The following KCNJ14 variants were observed in gnomAD, a reference collection of about 807,000 sequenced individuals.
KCNJ14 encodes the protein potassium inwardly rectifying channel subfamily J member 14.
KCNJ14 carries 18 observed loss-of-function variants against 24.5 expected under a neutral mutation model. The observed-to-expected ratio is 0.74, with a 90% CI of 0.51 to 1.09. The LOEUF is 1.09. Among genes scored for constraint, KCNJ14 ranks in the 50% least tolerant of loss-of-function variants. The pLI, the probability that KCNJ14 is intolerant of heterozygous loss-of-function variation, is 0.00. For synonymous variants in KCNJ14, 288 were observed against 270.8 expected (o/e 1.06, Z -0.63); for missense variants, 633 against 623.0 (o/e 1.02, Z -0.17).
chr19:48,457,812 G>C (rs1200772866), intron 1 of KCNJ14, among the ~76,000 whole-genome samples: 1 of 151,952 alleles, frequency 6.6e-6, no homozygotes. Context: ...CGAGTAGCTG[G>C]GATTACAGGT....
At chr19:48,457,404 G>C (rs909724695) in intron 1 of KCNJ14, among the ~76,000 whole-genome samples, 6 of 152,186 alleles carry the variant, frequency 3.9e-5, no homozygotes, top group African/African-American at 1.4e-4. Flanking sequence ...GATCCCAGGG[G>C]ACATGGTGGG....
At chr19:48,456,302 A>T (rs570635266) in intron 1 of KCNJ14, 1 of 152,046 alleles carries the variant, frequency 6.6e-6, no homozygotes, top group African/African-American at 2.4e-5. Context: ...CTGCATCCTG[A>T]TGTTGACCTC....
rs1569084543 is a variant in KCNJ14, at chr19:48,464,432, TG to T, written c.968del (p.Gly323ValfsTer63). 2 of 1,613,736 alleles carry T rather than the reference TG, an allele frequency of 1.2e-6. No individual in the cohort carries two copies. The highest frequency in any genetic ancestry group is 1.7e-6 in the Non-Finnish European group (2 of 1,179,874). On this transcript the variant is annotated frameshift_variant, in exon 3 of 3. Coordinates refer to ENST00000342291, the MANE Select transcript of KCNJ14 (RefSeq NM_013348.4). LOFTEE classifies it high-confidence loss of function. The stretch of plus-strand genomic sequence containing the variant: ...CACAGTGTCGCTCGTCCTACCTCCC[TG>T]GTGAACTGCTCTGGGGCCATCGTTT... ...TTQCRSSYLP[G>X]ELLWGHRFEP...
At position 48,461,365 on chromosome 19, in the gene KCNJ14, TA is replaced by T. The variant is rs35350309; in HGVS notation, c.-55-295del. ...AAAAAAGAAAAGAAAAGAAAAAAGTTAAAAAAAAAATTACCCAGGAGTGGTG... is the reference window on the plus strand; with the variant it reads ...AAAAAAGAAAAGAAAAGAAAAAAGTTAAAAAAAAATTACCCAGGAGTGGTG... On this transcript the variant is annotated intron_variant, in intron 1 of 2. Coordinates refer to ENST00000342291, the MANE Select transcript of KCNJ14 (RefSeq NM_013348.4). The T allele has an allele frequency of 9.3e-5, 15 of 160,818 alleles. No homozygotes were observed. The East Asian group carries it at 1.2e-3, about 12-fold the overall frequency. 10.0% of individuals were successfully genotyped at this position (160,818 alleles called of 1,614,324 possible). A position where few individuals can be genotyped will look rare whatever the true frequency, so the allele number is the denominator to read the frequency against.
In KCNJ14 at chr19:48,462,979, G is replaced by T. The variant is rs1187221997; in HGVS notation, c.714+541G>T. ...AGCACAGTTCTCCAGGCCTCTAGGTGTGGGGTCCTGCGGCATCTGTGGGAG... is the reference window on the plus strand; with the variant it reads ...AGCACAGTTCTCCAGGCCTCTAGGTTTGGGGTCCTGCGGCATCTGTGGGAG... On this transcript the variant is annotated intron_variant, in intron 2 of 2. Transcript: ENST00000342291. This position sits in a 1 kb window ranked among gnomAD's most constrained non-coding sequence, Gnocchi z 4.9. 6.6e-6 allele frequency among the ~76,000 whole-genome samples: 1 copy of T among 152,182 alleles called. No individual in the cohort carries two copies. The highest frequency in any genetic ancestry group is 6.5e-5 in the Admixed American group (1 of 15,288).
In KCNJ14 at chr19:48,461,849, A is replaced by G; in HGVS notation, c.125A>G (p.Gln42Arg). Residue 42 changes from glutamine (Q) to arginine (R), a missense_variant, in exon 2 of 3, where the codon CAG becomes CGG. Gln to Arg is a conservative substitution (Grantham distance 43). Transcript: ENST00000342291. The part of the protein sequence containing the change: ...CRNGWAPAPV[Q>R]SPVGRRRGRF... ...AACGGGTGGGCGCCGGCACCGGTGCAGTCACCCGTGGGCCGGCGCCGCGGT... is the reference window on the plus strand; with the variant it reads ...AACGGGTGGGCGCCGGCACCGGTGCGGTCACCCGTGGGCCGGCGCCGCGGT... 1.3e-6 allele frequency: 2 copies of G among 1,542,880 alleles called. No homozygotes were observed. Among genetic ancestry groups the G allele is most frequent in the South Asian group, 1.2e-5 (1 of 82,388 alleles).
At chr19:48,458,265 G>C (rs12459692) in intron 1 of KCNJ14, among the ~76,000 whole-genome samples, 1 of 152,186 alleles carries the variant, frequency 6.6e-6, no homozygotes, top group Non-Finnish European at 1.5e-5. Context: ...GTAACTGCCA[G>C]ACTGCTTCCT....
In KCNJ14 at chr19:48,465,693, G is replaced by A. The variant is rs780169246; in HGVS notation, c.*916G>A. 6 of 152,622 alleles carry A rather than the reference G, an allele frequency of 3.9e-5. No individual in the cohort carries two copies. The highest frequency in any genetic ancestry group is 8.8e-5 in the Non-Finnish European group (6 of 68,038). 9.5% of individuals were successfully genotyped at this position (152,622 alleles called of 1,614,324 possible). A position where few individuals can be genotyped will look rare whatever the true frequency, so the allele number is the denominator to read the frequency against. ...TCTGTGGCTGTAGACTGATCACAGA[G>A]TCAAGGAAGCAGTGGCAATTCTAGA... On this transcript the variant is annotated 3_prime_UTR_variant, in exon 3 of 3. Transcript: ENST00000342291.
chr19:48,463,981 C>A (rs1343761998), intron 2 of KCNJ14, among the ~76,000 whole-genome samples, 200 bp from the exon 3 acceptor site: 1 of 152,082 alleles, frequency 6.6e-6, no homozygotes, highest in Non-Finnish European at 1.5e-5. Context: ...GGCTCCCTTA[C>A]TGGGTTTCTG....
chr19:48,457,581 A>G (rs1971553120), intron 1 of KCNJ14, among the ~76,000 whole-genome samples: 1 of 152,252 alleles, frequency 6.6e-6, no homozygotes, highest in South Asian at 2.1e-4. Context: ...TTATTTTACA[A>G]TAGCTTCATT....
Position 48,461,904 on chromosome 19 carries a change from C to A in KCNJ14, c.180C>A (p.Asn60Lys). 6.2e-7 allele frequency: 1 copy of A among 1,605,598 alleles called. No homozygotes were observed. Among genetic ancestry groups the A allele is most frequent in the Non-Finnish European group, 8.5e-7 (1 of 1,175,374 alleles). The change falls in exon 2 of 3, where the codon AAC becomes AAA. Residue 60 changes from asparagine to lysine, a missense_variant. Physicochemically the swap from Asn to Lys is moderately conservative, Grantham distance 94. Transcript: ENST00000342291. ...GRFVKKDGHC[N>K]VRFVNLGGQG... Reference sequence around the variant, plus strand: ...TCGTCAAGAAAGACGGGCACTGCAACGTGCGTTTCGTAAACCTGGGTGGCC... The same window carrying A: ...TCGTCAAGAAAGACGGGCACTGCAAAGTGCGTTTCGTAAACCTGGGTGGCC...
chr19:48,461,543 AAAAAAAAT>A (rs1971596318), intron 1 of KCNJ14, 119 bp from the exon 2 acceptor site: 3 of 394,064 alleles, frequency 7.6e-6, no homozygotes, highest in South Asian at 1.0e-4. Context: ...AAAAAAAAAA[AAAAAAAAT>A]GCGTATCGTT....
In KCNJ14 at chr19:48,462,188, T is replaced by C. The variant is rs1971608481; in HGVS notation, c.464T>C (p.Val155Ala). The stretch of plus-strand genomic sequence containing the variant: ...TCCATCGGCTACGGCGTGCGCAGCG[T>C]CACCGAGGAGTGCCCGGCCGCTGTG... ...QTSIGYGVRS[V>A]TEECPAAVAA... Residue 155 changes from valine (V) to alanine (A), a missense_variant, in exon 2 of 3, where the codon GTC (valine) becomes GCC (alanine). By Grantham distance (64) the Val-to-Ala change is moderately conservative. Coordinates refer to ENST00000342291, the MANE Select transcript of KCNJ14 (RefSeq NM_013348.4). This position sits in a 1 kb window ranked among gnomAD's most constrained non-coding sequence, Gnocchi z 4.9. The C allele has an allele frequency of 1.2e-5, 18 of 1,561,080 alleles. No individual in the cohort carries two copies. The highest frequency in any genetic ancestry group is 1.6e-5 in the Non-Finnish European group (18 of 1,153,422).
At chr19:48,457,345 C>T (rs945365675) in intron 1 of KCNJ14, among the ~76,000 whole-genome samples, 16 of 152,204 alleles carry the variant, frequency 1.1e-4, no homozygotes, top group Admixed American at 1.0e-3. Flanking sequence ...ATCCATCACA[C>T]ACCTAGTAAA....
At position 48,462,252 on chromosome 19, in the gene KCNJ14, C is replaced by T. The variant is rs943257836; in HGVS notation, c.528C>T (p.Leu176=). The T allele has an allele frequency of 6.5e-7, 1 of 1,547,344 alleles. No homozygotes were observed. The stretch of plus-strand genomic sequence containing the variant: ...TGCAGTGCATTGCCGGCTGCGTGCT[C>T]GACGCCTTCGTCGTGGGTGCTGTCA... ...VVLQCIAGCV[L]DAFVVGAVMA... The change falls in exon 2 of 3, where the codon CTC becomes CTT. Residue 176 remains leucine (L), a synonymous_variant. Coordinates refer to ENST00000342291, the MANE Select transcript of KCNJ14 (RefSeq NM_013348.4). The surrounding 1 kb of genome is among the most constrained non-coding windows in gnomAD (Gnocchi z 4.9).
At chr19:48,458,756 G>A (rs959626298) in intron 1 of KCNJ14, among the ~76,000 whole-genome samples, 2 of 151,872 alleles carry the variant, frequency 1.3e-5, no homozygotes, top group African/African-American at 2.4e-5. Flanking sequence ...AGCCCACATC[G>A]TGAAACCCTG....
chr19:48,459,780 G>A (rs966519424), intron 1 of KCNJ14, among the ~76,000 whole-genome samples: 1 of 152,006 alleles, frequency 6.6e-6, no homozygotes, highest in African/African-American at 2.4e-5. Context: ...TGTAATCCCA[G>A]TACTTTAGGA....
In KCNJ14 at chr19:48,461,936, C is replaced by G. The variant is rs1462902665; in HGVS notation, c.212C>G (p.Ala71Gly). The stretch of plus-strand genomic sequence containing the variant: ...TTCGTAAACCTGGGTGGCCAGGGCG[C>G]GCGCTACCTGAGCGACCTGTTCACC... ...VRFVNLGGQG[A>G]RYLSDLFTTC... Residue 71 changes from alanine (A) to glycine (G), a missense_variant, in exon 2 of 3, where the codon GCG becomes GGG. Coordinates refer to ENST00000342291, the MANE Select transcript of KCNJ14 (RefSeq NM_013348.4). 2 of 1,611,928 alleles carry G rather than the reference C, an allele frequency of 1.2e-6. No homozygotes were observed. The highest frequency in any genetic ancestry group is 1.7e-6 in the Non-Finnish European group (2 of 1,179,210).
In KCNJ14 at chr19:48,465,806, A is replaced by G. The variant is rs1379002916; in HGVS notation, c.*1029A>G. ...GACTTCTTGTGGTTCTGTAATGCCAAAAGGAATGAAGGCTCCAGGGATACA... is the reference window on the plus strand; with the variant it reads ...GACTTCTTGTGGTTCTGTAATGCCAGAAGGAATGAAGGCTCCAGGGATACA... On this transcript the variant is annotated 3_prime_UTR_variant, in exon 3 of 3. Coordinates refer to ENST00000342291, the MANE Select transcript of KCNJ14 (RefSeq NM_013348.4). 1 of 152,626 alleles carries G rather than the reference A, an allele frequency of 6.6e-6. No individual in the cohort carries two copies. Among genetic ancestry groups the G allele is most frequent in the East Asian group, 1.9e-4 (1 of 5,190 alleles). 9.5% of individuals were successfully genotyped at this position (152,626 alleles called of 1,614,324 possible).
Sources: gnomAD v4.1 joint callset for allele counts (sites outside exome capture counted in the v4.1 genomes callset) on GRCh38, gnomAD v4.1.1 for gene constraint, Gnocchi (gnomAD v3.1) non-coding constraint, MANE v1.5 for transcripts, NCBI Gene and HGNC (gene_info 2026-07-23, HGNC 2026-07-21) for gene names.